ST6GALNAC5: variants seen among roughly 807,000 people sequenced by gnomAD.
ST6GALNAC5 encodes the protein ST6 N-acetylgalactosaminide alpha-2,6-sialyltransferase 5.
Under a neutral mutation model 33.6 loss-of-function variants are expected in ST6GALNAC5, and 27 were observed. The observed-to-expected ratio is 0.80, with a 90% CI of 0.59 to 1.11. The LOEUF is 1.11. Ranked by LOEUF, ST6GALNAC5 falls within the 50% of genes least tolerant of loss-of-function variation. The pLI is 0.00. For missense variants in ST6GALNAC5, 428 were observed against 454.0 expected (o/e 0.94, Z 0.52); for synonymous variants, 194 against 171.2 (o/e 1.13, Z -1.04).
intron 2 of ST6GALNAC5, among the ~76,000 whole-genome samples, chr1:76,967,285 G>C (rs1405575030): frequency 1.3e-5 from 2 of 152,210 alleles, no homozygotes; most frequent in East Asian, 1.9e-4. Context: ...GCCTGTTATT[G>C]GTCTATTCAG....
At chr1:77,036,563 C>T (rs1023325338) in intron 2 of ST6GALNAC5, among the ~76,000 whole-genome samples, 9 of 152,178 alleles carry the variant, frequency 5.9e-5, no homozygotes, top group Non-Finnish European at 1.3e-4. Context: ...AAATACTGGG[C>T]TTTAGAAAAT....
chr1:76,930,573 T>C lies in ST6GALNAC5; in HGVS notation c.261+61831T>C, dbSNP rs184551763. On this transcript the variant is annotated intron_variant, in intron 2 of 4. Transcript: ENST00000477717. ...GCAAAACTCAAATATATTAATTTCA[T>C]TACTCTCTAGTAGGCTTTTTGGGAG... 1.2e-4 allele frequency among the ~76,000 whole-genome samples: 18 copies of C among 152,282 alleles called. 1 individual carries two copies. In the East Asian group the frequency reaches 3.3e-3, roughly 28 times the overall value.
intron 2 of ST6GALNAC5, among the ~76,000 whole-genome samples, chr1:76,873,351 C>A (rs1163094212): frequency 6.6e-6 from 1 of 152,180 alleles, no homozygotes; most frequent in African/African-American, 2.4e-5. Context: ...CTGAAATAAT[C>A]TTAAAGTTTA....
At chr1:76,977,588 C>T (rs1266809976) in intron 2 of ST6GALNAC5, among the ~76,000 whole-genome samples, 1 of 152,170 alleles carries the variant, frequency 6.6e-6, no homozygotes, top group African/African-American at 2.4e-5. Flanking sequence ...CTGTGCCTGG[C>T]TTACTTCACT....
intron 2 of ST6GALNAC5, among the ~76,000 whole-genome samples, chr1:76,914,572 GAA>G (rs925395058): frequency 4.6e-5 from 7 of 152,184 alleles, no homozygotes; most frequent in African/African-American, 1.7e-4. Flanking sequence ...ACAAACCTGA[GAA>G]AAACAAGCAA....
Position 76,867,511 on chromosome 1 carries a change from G to T in ST6GALNAC5, c.-165G>T. The stretch of plus-strand genomic sequence containing the variant: ...AATTCTGTCTCTAATCTCTGCAACA[G>T]CCGCGCTTCCCGGGTCCCGCGGCTC... On this transcript the variant is annotated 5_prime_UTR_variant, in exon 1 of 5. Coordinates refer to ENST00000477717, the MANE Select transcript of ST6GALNAC5 (RefSeq NM_030965.3). 1 of 1,015,274 alleles carries T rather than the reference G, an allele frequency of 9.8e-7. No individual in the cohort carries two copies. Among genetic ancestry groups the T allele is most frequent in the Non-Finnish European group, 1.6e-6 (1 of 642,918 alleles). The allele number at this position is 1,015,274 out of a possible 1,614,324, so 62.9% of individuals were successfully genotyped here.
chr1:76,950,382 A>G (rs1226526322), intron 2 of ST6GALNAC5, among the ~76,000 whole-genome samples: 1 of 152,156 alleles, frequency 6.6e-6, no homozygotes, highest in East Asian at 1.9e-4. Context: ...TATATTCTTT[A>G]GTCCCAACTT....
intron 2 of ST6GALNAC5, among the ~76,000 whole-genome samples, chr1:76,984,784 A>T (rs974037983): frequency 1.3e-5 from 2 of 152,142 alleles, no homozygotes; most frequent in African/African-American, 4.8e-5. Context: ...CTGGCAAACC[A>T]AATACAACAG....
At chr1:76,933,763 C>CAAAAAAAA (rs35621324) in intron 2 of ST6GALNAC5, among the ~76,000 whole-genome samples, 1 of 67,616 alleles carries the variant, frequency 1.5e-5, no homozygotes, top group Non-Finnish European at 2.7e-5. Flanking sequence ...TTTTCTCTGC[C>CAAAAAAAA]AAAAAAAAAA....
At chr1:77,030,721 A>G (rs1159311509) in intron 2 of ST6GALNAC5, among the ~76,000 whole-genome samples, 1 of 152,236 alleles carries the variant, frequency 6.6e-6, no homozygotes, top group Non-Finnish European at 1.5e-5. Context: ...ATGAAGCCAT[A>G]AGAGGAATAT....
rs773781574 is a variant in ST6GALNAC5 at position 76,868,639 on chromosome 1, C to G, written c.158C>G (p.Thr53Ser). The change falls in exon 2 of 5, where the codon ACC becomes AGC. Residue 53 changes from threonine to serine, a missense_variant. Coordinates refer to ENST00000477717, the MANE Select transcript of ST6GALNAC5 (RefSeq NM_030965.3). This position sits in a 1 kb window ranked among gnomAD's most constrained non-coding sequence, Gnocchi z 4.3. ...QQQQQQQASA[T>S]GSSQPAAESS... ...CAACAGCAGCAGCAGGCGTCGGCCA[C>G]CGGCAGCTCGCAGCCGGCGGCGGAG... 6.2e-7 allele frequency: 1 copy of G among 1,607,404 alleles called. No homozygotes were observed.
At chr1:77,029,677 C>T (rs1008772613) in intron 2 of ST6GALNAC5, among the ~76,000 whole-genome samples, 4 of 152,152 alleles carry the variant, frequency 2.6e-5, no homozygotes, top group Admixed American at 6.5e-5. Flanking sequence ...CACCATCATA[C>T]CTGAGTGAGG....
intron 2 of ST6GALNAC5, among the ~76,000 whole-genome samples, chr1:76,988,585 GTTTGC>G (rs1158860488): frequency 6.6e-6 from 1 of 151,978 alleles, no homozygotes; most frequent in Non-Finnish European, 1.5e-5. Flanking sequence ...CTTTTCTGGT[GTTTGC>G]TTTGATATAA....
chr1:77,019,253 T>C (rs972822701), intron 2 of ST6GALNAC5, among the ~76,000 whole-genome samples: 3 of 152,172 alleles, frequency 2.0e-5, no homozygotes, highest in Non-Finnish European at 2.9e-5. Context: ...AGATAGAATA[T>C]ATGAAACAAA....
intron 2 of ST6GALNAC5, among the ~76,000 whole-genome samples, chr1:76,897,250 G>T (rs146882874): frequency 0.018 from 2,676 of 152,074 alleles, 83 homozygotes; most frequent in African/African-American, 0.06. Flanking sequence ...AAAGAAAGCA[G>T]GTTTGAGATC....
chr1:77,051,439 C>T (rs73005325), intron 4 of ST6GALNAC5, among the ~76,000 whole-genome samples: 1,761 of 152,280 alleles, frequency 0.012, 29 homozygotes, highest in African/African-American at 0.037. Context: ...GGCTAGGCTG[C>T]ACAGGTGTAA....
intron 2 of ST6GALNAC5, among the ~76,000 whole-genome samples, chr1:76,972,761 G>T (rs1477831338): frequency 2.0e-5 from 3 of 151,922 alleles, no homozygotes; most frequent in African/African-American, 7.3e-5. Flanking sequence ...CCTCCATATG[G>T]GTTATACCAT....
At chr1:77,012,801 G>A (rs1650684083) in intron 2 of ST6GALNAC5, among the ~76,000 whole-genome samples, 1 of 152,068 alleles carries the variant, frequency 6.6e-6, no homozygotes. Context: ...GTACTCTAGG[G>A]GATACAGGAA....
intron 2 of ST6GALNAC5, among the ~76,000 whole-genome samples, chr1:76,922,584 T>A (rs1647044286): frequency 6.6e-6 from 1 of 152,168 alleles, no homozygotes; most frequent in Admixed American, 6.5e-5. Context: ...TCACTCTACC[T>A]GATATAGCTA....
Sources: allele counts gnomAD v4.1 joint callset (sites outside exome capture counted in the v4.1 genomes callset), GRCh38; gene constraint gnomAD v4.1.1; non-coding constraint Gnocchi (gnomAD v3.1); transcripts MANE v1.5; gene names NCBI Gene and HGNC (gene_info 2026-07-23, HGNC 2026-07-21).